The following NRG1 variants were observed in gnomAD, a reference collection of about 807,000 sequenced individuals.
NRG1 encodes the protein neuregulin 1, also known as pro-neuregulin-1, membrane-bound isoform.
A neutral mutation model predicts 63.8 loss-of-function variants in NRG1; 18 were observed. The observed-to-expected ratio is 0.28, with a 90% CI of 0.19 to 0.42. The LOEUF (loss-of-function observed/expected upper bound fraction) is 0.42, where lower values mean the gene tolerates loss of function less well. NRG1 is among the 10% of genes least tolerant of loss of function. NRG1 has a pLI of 1.00. For missense variants in NRG1, 762 were observed against 814.7 expected, an observed-to-expected ratio of 0.94 and a Z score of 0.79; for synonymous variants, 302 against 301.3, an observed-to-expected ratio of 1.00 and a Z score of -0.02.
At chr8:31,707,669 T>C (rs1032429370) in intron 1 of NRG1, among the ~76,000 whole-genome samples, 1 of 152,192 alleles carries the variant, frequency 6.6e-6, no homozygotes, top group African/African-American at 2.4e-5. Flanking sequence ...GTGCTTTAAA[T>C]CATCATATAA....
intron 1 of NRG1, among the ~76,000 whole-genome samples, chr8:32,415,044 C>T (rs906541398): frequency 2.0e-5 from 3 of 152,056 alleles, no homozygotes; most frequent in African/African-American, 7.2e-5. Context: ...GTGAGGGAAG[C>T]ATTTGAACAA....
intron 1 of NRG1, among the ~76,000 whole-genome samples, chr8:32,555,983 C>A (rs1563637558): frequency 6.6e-6 from 1 of 152,178 alleles, no homozygotes; most frequent in South Asian, 2.1e-4. Flanking sequence ...GTGCCCCGAA[C>A]CTTTCATTCC....
At chr8:31,871,220 C>G (rs1829454737) in intron 1 of NRG1, among the ~76,000 whole-genome samples, 1 of 150,252 alleles carries the variant, frequency 6.7e-6, no homozygotes, top group African/African-American at 2.5e-5. Context: ...CGTGATCCAC[C>G]CGCCTTGGCC....
At chr8:32,252,047 T>G (rs1245717388) in intron 1 of NRG1, among the ~76,000 whole-genome samples, 1 of 152,158 alleles carries the variant, frequency 6.6e-6, no homozygotes, top group African/African-American at 2.4e-5. Flanking sequence ...GATGGGATTG[T>G]TTTTTTCTTG....
chr8:32,189,946 A>G (rs1842327846), intron 1 of NRG1, among the ~76,000 whole-genome samples: 1 of 152,322 alleles, frequency 6.6e-6, no homozygotes, highest in African/African-American at 2.4e-5. Context: ...TGAATGATAC[A>G]TTCTGTTGAA....
chr8:32,763,904 G>C, exon 12 of NRG1: 1 of 1,614,054 alleles, frequency 6.2e-7, no homozygotes, highest in East Asian at 2.2e-5. Context: ...TGGAAGAAGA[G>C]AGACCTCTAC....
intron 6 of NRG1, among the ~76,000 whole-genome samples, chr8:32,731,187 T>C (rs560083496): frequency 1.6e-4 from 24 of 152,164 alleles, no homozygotes; most frequent in Non-Finnish European, 2.6e-4. Context: ...GCTGTTCAGT[T>C]TTTTCATTTT....
intron 5 of NRG1, among the ~76,000 whole-genome samples, chr8:32,640,080 C>A (rs138866048): frequency 5.9e-5 from 9 of 152,214 alleles, no homozygotes; most frequent in Non-Finnish European, 1.2e-4. Flanking sequence ...ATGCCCTGAA[C>A]GTAACTGTAA....
intron 1 of NRG1, among the ~76,000 whole-genome samples, chr8:31,761,368 G>A (rs999217603): frequency 6.6e-6 from 1 of 151,692 alleles, no homozygotes; most frequent in Non-Finnish European, 1.5e-5. Flanking sequence ...CGAGTTAATG[G>A]GTGCAGCACA....
chr8:32,222,538 G>A (rs1057195299), intron 1 of NRG1, among the ~76,000 whole-genome samples: 1 of 152,156 alleles, frequency 6.6e-6, no homozygotes, highest in Non-Finnish European at 1.5e-5. Flanking sequence ...TATAAATCCT[G>A]TTTTCTCTGC....
chr8:32,555,661 C>T (rs1024094848), intron 1 of NRG1, among the ~76,000 whole-genome samples: 2 of 152,104 alleles, frequency 1.3e-5, no homozygotes, highest in African/African-American at 2.4e-5. Context: ...CTAGTAGAGA[C>T]GGGGTTTCAC....
At chr8:31,711,437 C>A (rs1156275771) in intron 1 of NRG1, among the ~76,000 whole-genome samples, 2 of 152,140 alleles carry the variant, frequency 1.3e-5, no homozygotes, top group African/African-American at 4.8e-5. Context: ...ATCTGATTTT[C>A]ATGCTTATAA....
intron 1 of NRG1, among the ~76,000 whole-genome samples, chr8:31,928,662 A>ACG (rs758792849): frequency 1.2e-4 from 18 of 151,970 alleles, no homozygotes; most frequent in Non-Finnish European, 1.9e-4. Context: ...ACACACACAC[A>ACG]CACACACACC....
chr8:31,746,713 G>A (rs192518167), intron 1 of NRG1, among the ~76,000 whole-genome samples: 15 of 152,018 alleles, frequency 9.9e-5, no homozygotes, highest in East Asian at 3.9e-4. Context: ...GCTCTCATGC[G>A]TGTTGCAGCA....
intron 1 of NRG1, among the ~76,000 whole-genome samples, chr8:31,780,848 C>T (rs1819616732): frequency 6.6e-6 from 1 of 152,148 alleles, no homozygotes; most frequent in Non-Finnish European, 1.5e-5. Context: ...AGGTATGCAT[C>T]TTTGAATAAG....
chr8:31,834,868 A>G (rs149768864), intron 1 of NRG1, among the ~76,000 whole-genome samples: 33 of 152,236 alleles, frequency 2.2e-4, no homozygotes, highest in African/African-American at 7.5e-4. Context: ...GTACCAGGTT[A>G]TTTCCTGGAG....
chr8:32,120,292 A>C (rs986015228), intron 1 of NRG1, among the ~76,000 whole-genome samples: 2 of 152,112 alleles, frequency 1.3e-5, no homozygotes, highest in Admixed American at 6.6e-5. Context: ...TAATACTAGT[A>C]AAATGAAAGA....
intron 1 of NRG1, among the ~76,000 whole-genome samples, chr8:32,482,350 C>T (rs1450477777): frequency 1.3e-5 from 2 of 151,816 alleles, no homozygotes; most frequent in Admixed American, 1.3e-4. Context: ...TGACATTACC[C>T]TTATGGAACC....
chr8:31,813,523 T>TTCTTTTCTTTTC (rs1338179724), intron 1 of NRG1, among the ~76,000 whole-genome samples: 1 of 139,410 alleles, frequency 7.2e-6, no homozygotes, highest in South Asian at 2.3e-4. Context: ...TTTCTTTTTT[T>TTCTTTTCTTTTC]TTTTTTTTTT....
Sources: gnomAD v4.1 joint callset for allele counts (sites outside exome capture counted in the v4.1 genomes callset) on GRCh38, gnomAD v4.1.1 for gene constraint, MANE v1.5 for transcripts, NCBI Gene and HGNC (gene_info 2026-07-23, HGNC 2026-07-21) for gene names.